Variants in CDH13 observed in about 807,000 individuals in gnomAD.
CDH13 encodes cadherin 13.
Under a neutral mutation model 63.8 loss-of-function variants are expected in CDH13, and 24 were observed. That is an observed-to-expected ratio of 0.38 (90% CI 0.27 to 0.53). The LOEUF is 0.53. CDH13 is among the 20% of genes least tolerant of loss of function. The probability of loss-of-function intolerance (pLI) is 0.85; values close to 1 mark genes in which losing one functional copy is unlikely to be tolerated. For missense variants in CDH13, 1,049 were observed against 903.1 expected (o/e 1.16, Z -2.07); for synonymous variants, 503 against 355.3 (o/e 1.42, Z -4.67).
At chr16:83,586,787 A>C (rs1906203198) in intron 7 of CDH13, among the ~76,000 whole-genome samples, 1 of 152,166 alleles carries the variant, frequency 6.6e-6, no homozygotes, top group Non-Finnish European at 1.5e-5. Context: ...CTTCCAGAAT[A>C]ATCTGTGGCC....
intron 1 of CDH13, among the ~76,000 whole-genome samples, chr16:82,734,885 C>T (rs1468157267): frequency 6.6e-6 from 1 of 152,198 alleles, no homozygotes; most frequent in Non-Finnish European, 1.5e-5. Context: ...TGACCGCACT[C>T]CCAGCAGCTG....
chr16:83,236,039 G>A (rs527664659), intron 5 of CDH13, among the ~76,000 whole-genome samples: 117 of 152,292 alleles, frequency 7.7e-4, no homozygotes, highest in Non-Finnish European at 1.2e-3. Context: ...ATGCGTTTAA[G>A]ATATTTAACT....
intron 2 of CDH13, among the ~76,000 whole-genome samples, chr16:82,914,014 A>G (rs770013855): frequency 6.6e-5 from 10 of 151,666 alleles, no homozygotes; most frequent in Non-Finnish European, 1.2e-4. Context: ...TTTAGAGAAG[A>G]AAGGTATTGC....
intron 3 of CDH13, among the ~76,000 whole-genome samples, chr16:83,112,141 G>A (rs2035086817): frequency 6.6e-6 from 1 of 152,122 alleles, no homozygotes; most frequent in African/African-American, 2.4e-5. Context: ...TTTCCTTCTT[G>A]ATTTCTATAC....
At chr16:83,106,965 G>A (rs957199834) in intron 3 of CDH13, among the ~76,000 whole-genome samples, 3 of 151,790 alleles carry the variant, frequency 2.0e-5, no homozygotes, top group Non-Finnish European at 4.4e-5. Context: ...CCCTCCTACC[G>A]AATGCTAAGC....
chr16:82,639,881 C>T (rs1909173847), intron 1 of CDH13, among the ~76,000 whole-genome samples: 2 of 152,236 alleles, frequency 1.3e-5, no homozygotes, highest in South Asian at 2.1e-4. Flanking sequence ...ACAGGGTCCT[C>T]ACCACTGTGT....
At chr16:83,093,954 G>C (rs1183104006) in intron 3 of CDH13, among the ~76,000 whole-genome samples, 1 of 152,184 alleles carries the variant, frequency 6.6e-6, no homozygotes, top group Admixed American at 6.5e-5. Context: ...TAATAGCCTG[G>C]AGAGAAGAGT....
intron 7 of CDH13, among the ~76,000 whole-genome samples, chr16:83,575,179 A>G (rs946059119): frequency 1.3e-5 from 2 of 152,208 alleles, no homozygotes; most frequent in Non-Finnish European, 1.5e-5. Context: ...GCTGATGGAT[A>G]TGGAATTTTT....
chr16:82,792,963 A>G (rs1011126622), intron 1 of CDH13, among the ~76,000 whole-genome samples: 1 of 152,214 alleles, frequency 6.6e-6, no homozygotes, highest in African/African-American at 2.4e-5. Context: ...CGAGGAAATA[A>G]TTCTTGCTTG....
At chr16:83,104,868 A>G (rs1438190481) in intron 3 of CDH13, among the ~76,000 whole-genome samples, 1 of 152,220 alleles carries the variant, frequency 6.6e-6, no homozygotes, top group Non-Finnish European at 1.5e-5. Context: ...GGATCTGAAA[A>G]ATGGACCAAA....
intron 8 of CDH13, among the ~76,000 whole-genome samples, chr16:83,615,317 A>G (rs1002912623): frequency 6.6e-6 from 1 of 152,140 alleles, no homozygotes; most frequent in Non-Finnish European, 1.5e-5. Context: ...AGATTAATCC[A>G]GAAAGCCAAC....
intron 2 of CDH13, among the ~76,000 whole-genome samples, chr16:83,008,355 G>A (rs1051745983): frequency 6.6e-6 from 1 of 152,196 alleles, no homozygotes; most frequent in African/African-American, 2.4e-5. Context: ...AAGTTATGCA[G>A]GGGAGCCTTG....
Position 83,148,343 on chromosome 16 carries a change from T to C in CDH13, c.483+22842T>C, listed in dbSNP as rs527346197. ...ACATGTAGACAACATGGGTACCATG[T>C]AGACAACATGTAGACAACATGGGTG... is the stretch of plus-strand genomic sequence containing the variant. On this transcript the variant is annotated intron_variant, in intron 4 of 13. Transcript: ENST00000567109. 5.4e-5 allele frequency among the ~76,000 whole-genome samples: 8 copies of C among 149,296 alleles called. No homozygotes were observed. The East Asian group carries it at 1.2e-3, about 22-fold the overall frequency.
intron 5 of CDH13, among the ~76,000 whole-genome samples, chr16:83,252,127 C>T (rs1253631189): frequency 1.5e-4 from 15 of 101,156 alleles, no homozygotes; most frequent in East Asian, 3.0e-4. Context: ...CACACACACA[C>T]ACATATATAT....
At chr16:82,978,040 A>T (rs1405517676) in intron 2 of CDH13, among the ~76,000 whole-genome samples, 1 of 152,162 alleles carries the variant, frequency 6.6e-6, no homozygotes, top group Non-Finnish European at 1.5e-5. Flanking sequence ...ATGTTTTAGC[A>T]CAGGGACTGG....
intron 5 of CDH13, among the ~76,000 whole-genome samples, chr16:83,260,160 G>A (rs866320545): frequency 1.5e-4 from 20 of 137,484 alleles, no homozygotes; most frequent in South Asian, 4.8e-4. Context: ...TCAAAACAAA[G>A]TTTACAAATA....
intron 1 of CDH13, among the ~76,000 whole-genome samples, chr16:82,757,637 CT>C (rs1307353183): frequency 5.4e-5 from 5 of 93,286 alleles, no homozygotes; most frequent in East Asian, 3.0e-4. Flanking sequence ...AACGCCATAG[CT>C]TTTTTTTTGT....
Position 82,720,815 on chromosome 16 carries a change from T to G in CDH13, c.45+93678T>G, listed in dbSNP as rs187091995. Among the ~76,000 whole-genome samples the G allele has an allele frequency of 6.6e-3, 1,006 of 152,324 alleles. 7 individuals carry two copies. Among genetic ancestry groups the G allele is most frequent in the Non-Finnish European group, 0.01 (710 of 68,026 alleles). The stretch of plus-strand genomic sequence containing the variant: ...TGAGTCAGTCACAGTGAGTTGGCAT[T>G]GCTACAAGTCACTGAGCAAAAGGCC... On this transcript the variant is annotated intron_variant, in intron 1 of 13. Coordinates refer to ENST00000567109, the MANE Select transcript of CDH13 (RefSeq NM_001257.5).
intron 8 of CDH13, among the ~76,000 whole-genome samples, chr16:83,633,035 A>T (rs1183382181): frequency 2.6e-5 from 4 of 152,162 alleles, no homozygotes. Context: ...TTAGCATATA[A>T]TGAGCAGTGA....
Sources: gnomAD v4.1 joint callset for allele counts (sites outside exome capture counted in the v4.1 genomes callset) on GRCh38, gnomAD v4.1.1 for gene constraint, MANE v1.5 for transcripts, NCBI Gene and HGNC (gene_info 2026-07-23, HGNC 2026-07-21) for gene names.